NSG2: variants seen among roughly 807,000 people sequenced by gnomAD.
The protein encoded by NSG2 is neuronal vesicle trafficking-associated protein 2.
A neutral mutation model predicts 16.9 loss-of-function variants in NSG2; 4 were observed. That is an observed-to-expected ratio of 0.24 (90% CI 0.12 to 0.54). The LOEUF (loss-of-function observed/expected upper bound fraction) is 0.54. Ranked by LOEUF, NSG2 falls within the 20% of genes least tolerant of loss-of-function variation. NSG2 has a pLI of 0.95. For synonymous variants in NSG2, 98 were observed against 88.7 expected (o/e 1.11, Z -0.59); for missense variants, 179 against 221.1 (o/e 0.81, Z 1.21).
chr5:174,066,694 T>A (rs1050756644), intron 3 of NSG2, among the ~76,000 whole-genome samples: 178 of 151,212 alleles, frequency 1.2e-3, no homozygotes, highest in African/African-American at 3.7e-3. Flanking sequence ...TGTGCTTTTT[T>A]AAAAAAAAAC....
At chr5:174,095,854 A>G (rs1206279139) in intron 3 of NSG2, among the ~76,000 whole-genome samples, 1 of 152,238 alleles carries the variant, frequency 6.6e-6, no homozygotes, top group Non-Finnish European at 1.5e-5. Context: ...TCCTCTTTTT[A>G]TGCCCAATGT....
In NSG2 at chr5:174,070,209, T is replaced by G. The variant is rs556979814; in HGVS notation, c.213+5894T>G. On this transcript the variant is annotated intron_variant, in intron 3 of 4. Transcript: ENST00000303177. ...GTCTGGTCATTTTTTTCGTGGGCTA[T>G]TTTTTAGTACTTCAGTTATAAGACA... 3.3e-5 allele frequency among the ~76,000 whole-genome samples: 5 copies of G among 152,232 alleles called. No individual in the cohort carries two copies. In the South Asian group the frequency reaches 1.0e-3, roughly 32 times the overall value.
intron 3 of NSG2, chr5:174,066,065 A>G: frequency 2.8e-6 from 1 of 354,790 alleles, no homozygotes. Context: ...CCACTAAATC[A>G]ATACTGAAGC....
chr5:174,080,519 CTT>C lies in NSG2; in HGVS notation c.213+16206_213+16207del, dbSNP rs369177159. Among the ~76,000 whole-genome samples the C allele has an allele frequency of 2.9e-4, 28 of 95,752 alleles. No homozygotes were observed. In the South Asian group the frequency reaches 3.2e-3, roughly 11 times the overall value. 62.8% of individuals were successfully genotyped at this position (95,752 alleles called of 152,430 possible). A position where few individuals can be genotyped will look rare whatever the true frequency, so the allele number is the denominator to read the frequency against. ...TCCCTCTTTCTTTCTTTCCCTCTTT[CTT>C]TCTTTCTCTCTCTCTCTCTCTCTCT... On this transcript the variant is annotated intron_variant, in intron 3 of 4. Coordinates refer to ENST00000303177, the MANE Select transcript of NSG2 (RefSeq NM_015980.5).
chr5:174,057,166 T>A (rs1759978676), intron 2 of NSG2, among the ~76,000 whole-genome samples: 1 of 152,160 alleles, frequency 6.6e-6, no homozygotes, highest in Admixed American at 6.5e-5. Flanking sequence ...ATAAAAAGAG[T>A]AGGAGAAATT....
intron 3 of NSG2, among the ~76,000 whole-genome samples, chr5:174,075,012 T>G (rs146873307): frequency 7.9e-4 from 120 of 152,212 alleles, no homozygotes; most frequent in Non-Finnish European, 1.2e-3. Context: ...AAAAGAGGGC[T>G]TCCTAAAGGT....
chr5:174,104,192 AC>A (rs767457173), intron 3 of NSG2, 35 bp from the exon 4 acceptor site: 69 of 1,500,716 alleles, frequency 4.6e-5, no homozygotes, highest in Non-Finnish European at 5.9e-5. Flanking sequence ...AGGTGGGCAG[AC>A]TGAGGCTGGA....
intron 1 of NSG2, 141 bp downstream of exon 1, chr5:174,045,984 G>T (rs1759789104): frequency 6.6e-6 from 1 of 152,246 alleles, no homozygotes; most frequent in South Asian, 2.1e-4. Flanking sequence ...TTCTGGGGGT[G>T]GGAGGGGAGC....
chr5:174,074,066 T>A (rs1265994275), intron 3 of NSG2, among the ~76,000 whole-genome samples: 1 of 152,104 alleles, frequency 6.6e-6, no homozygotes, highest in Non-Finnish European at 1.5e-5. Flanking sequence ...CAGCAAAGGC[T>A]ACAAATCTCC....
chr5:174,105,627 C>T (rs2113481726), intron 4 of NSG2, among the ~76,000 whole-genome samples: 1 of 152,200 alleles, frequency 6.6e-6, no homozygotes, highest in East Asian at 1.9e-4. Context: ...ATCTGACTTC[C>T]TAGACTTCCA....
chr5:174,096,438 G>C (rs1760795247), intron 3 of NSG2, among the ~76,000 whole-genome samples: 2 of 152,128 alleles, frequency 1.3e-5, no homozygotes, highest in South Asian at 4.1e-4. Context: ...TCATGGGGGT[G>C]GGGAAAACTG....
rs186024747 is a variant in NSG2, at chr5:174,070,445, C to T, written c.213+6130C>T. On this transcript the variant is annotated intron_variant, in intron 3 of 4. Transcript: ENST00000303177. ...GCTCCATATCCCATTCTCTCTGCCA[C>T]AACTTGATGTCACCCTGCCATTGTC... Among the ~76,000 whole-genome samples, 132 of 152,288 alleles carry T rather than the reference C, an allele frequency of 8.7e-4. No individual in the cohort carries two copies. The Middle Eastern group carries it at 0.01, about 12-fold the overall frequency.
At chr5:174,059,246 A>G (rs1369314930) in intron 2 of NSG2, among the ~76,000 whole-genome samples, 1 of 152,196 alleles carries the variant, frequency 6.6e-6, no homozygotes, top group Non-Finnish European at 1.5e-5. Context: ...CTTTTGTTCA[A>G]TGTAATGTCT....
chr5:174,077,991 A>G (rs925647600), intron 3 of NSG2, among the ~76,000 whole-genome samples: 1 of 152,204 alleles, frequency 6.6e-6, no homozygotes, highest in East Asian at 1.9e-4. Context: ...TGTTGTCTAC[A>G]TCTGTGCTGT....
At chr5:174,073,127 C>A (rs1760271943) in intron 3 of NSG2, among the ~76,000 whole-genome samples, 1 of 152,136 alleles carries the variant, frequency 6.6e-6, no homozygotes, top group African/African-American at 2.4e-5. Context: ...AAATCAGGGC[C>A]CTATCTTTTC....
intron 3 of NSG2, among the ~76,000 whole-genome samples, chr5:174,090,085 C>T (rs1337232405): frequency 6.6e-6 from 1 of 152,172 alleles, no homozygotes; most frequent in Non-Finnish European, 1.5e-5. Context: ...CCTGCCTTCA[C>T]ATTGGGCACA....
chr5:174,073,751 T>C (rs562760391), intron 3 of NSG2, among the ~76,000 whole-genome samples: 1 of 152,262 alleles, frequency 6.6e-6, no homozygotes, highest in African/African-American at 2.4e-5. Flanking sequence ...AGAGACGGGG[T>C]GATTCAATGA....
chr5:174,103,473 A>G (rs1478045226), intron 3 of NSG2, among the ~76,000 whole-genome samples: 1 of 152,116 alleles, frequency 6.6e-6, no homozygotes, highest in Non-Finnish European at 1.5e-5. Context: ...GAAAGTGTGT[A>G]TTAGATGTCC....
chr5:174,067,246 C>T (rs1581223139), intron 3 of NSG2, among the ~76,000 whole-genome samples: 1 of 152,090 alleles, frequency 6.6e-6, no homozygotes, highest in South Asian at 2.1e-4. Context: ...GCTACTTTTT[C>T]ATATCTATGT....
Sources: gnomAD v4.1 joint callset for allele counts (sites outside exome capture counted in the v4.1 genomes callset) on GRCh38, gnomAD v4.1.1 for gene constraint, MANE v1.5 for transcripts, NCBI Gene and HGNC (gene_info 2026-07-23, HGNC 2026-07-21) for gene names.